The following SLC6A18 variants were observed in gnomAD, a reference collection of about 807,000 sequenced individuals.
The protein encoded by SLC6A18 is solute carrier family 6 member 18.
In SLC6A18, 58 loss-of-function variants were observed where a neutral mutation model predicts 62.9. That is an observed-to-expected ratio of 0.92 (90% CI 0.75 to 1.15). The LOEUF is 1.15. SLC6A18 is among the 50% of genes most tolerant of loss of function. The pLI, the probability that SLC6A18 is intolerant of heterozygous loss-of-function variation, is 0.00. For missense variants in SLC6A18, 793 were observed against 836.6 expected (o/e 0.95, Z 0.64); for synonymous variants, 382 against 365.8 (o/e 1.04, Z -0.51).
At position 1,243,634 on chromosome 5, in the gene SLC6A18, T is replaced by C. The variant is rs1415007368; in HGVS notation, c.1211T>C (p.Met404Thr). 2 of 1,614,088 alleles carry C rather than the reference T, an allele frequency of 1.2e-6. No individual in the cohort carries two copies. The highest frequency in any genetic ancestry group is 1.1e-5 in the South Asian group (1 of 91,084). Reference sequence around the variant, plus strand: ...ATGCCGGGGGCTCCTGTGTGGGCCATGCTCTTCTTCGGGATGCTGTTCACC... The same window carrying C: ...ATGCCGGGGGCTCCTGTGTGGGCCACGCTCTTCTTCGGGATGCTGTTCACC... Reference protein sequence around the residue: ...LHMPGAPVWAMLFFGMLFTLG... With the variant: ...LHMPGAPVWATLFFGMLFTLG... The change falls in exon 9 of 12, where the codon ATG (methionine) becomes ACG (threonine). Residue 404 changes from methionine to threonine, a missense_variant. Transcript: ENST00000324642. The surrounding 1 kb of genome is among the most constrained non-coding windows in gnomAD (Gnocchi z 6.5).
At chr5:1,230,159 G>T (rs368376817) in intron 1 of SLC6A18, among the ~76,000 whole-genome samples, 2 of 147,986 alleles carry the variant, frequency 1.4e-5, no homozygotes, top group Admixed American at 1.3e-4. Flanking sequence ...CAGGCTGGTC[G>T]TGGGGGAGGG....
At chr5:1,227,020 C>T (rs1235638982) in intron 1 of SLC6A18, among the ~76,000 whole-genome samples, 2 of 139,372 alleles carry the variant, frequency 1.4e-5, no homozygotes, top group African/African-American at 2.7e-5. Flanking sequence ...CCCGCCGACG[C>T]GCCCAACGCC....
Position 1,243,677 on chromosome 5 carries a change from G to A in SLC6A18, c.1254G>A (p.Met418Ile). ...GMLFTLGLST[M>I]FGTVEAVITP... ...TGTTCACCTTGGGGCTATCGACCAT[G>A]TTCGGGACCGTGGAGGCGGTCATCA... Residue 418 changes from methionine to isoleucine, a missense_variant, in exon 9 of 12, where the codon ATG becomes ATA. Met to Ile is a conservative substitution (Grantham distance 10, BLOSUM62 1). Transcript: ENST00000324642. The surrounding 1 kb of genome is among the most constrained non-coding windows in gnomAD (Gnocchi z 6.5). The A allele has an allele frequency of 6.2e-7, 1 of 1,614,064 alleles. No homozygotes were observed.
rs370558229 is a variant in SLC6A18 at position 1,233,346 on chromosome 5, C to T, written c.439+458C>T. ...TACAAAAATCAGCCAGGCATGGTGGCGGGCATCTGTAATCCCAGCTAGCCA... is the reference window on the plus strand; with the variant it reads ...TACAAAAATCAGCCAGGCATGGTGGTGGGCATCTGTAATCCCAGCTAGCCA... On this transcript the variant is annotated intron_variant, in intron 3 of 11. Transcript: ENST00000324642. Among the ~76,000 whole-genome samples, 4 of 152,074 alleles carry T rather than the reference C, an allele frequency of 2.6e-5. No homozygotes were observed. The South Asian group carries it at 8.3e-4, about 32-fold the overall frequency.
At chr5:1,233,820 C>A (rs1337564028) in intron 3 of SLC6A18, among the ~76,000 whole-genome samples, 1 of 150,968 alleles carries the variant, frequency 6.6e-6, no homozygotes, top group African/African-American at 2.4e-5. Flanking sequence ...TGGCTCACTG[C>A]AAGCTCTGCC....
chr5:1,244,396 G>GCT (rs757583909), intron 10 of SLC6A18, 23 bp downstream of exon 10: 22 of 1,613,202 alleles, frequency 1.4e-5, no homozygotes, highest in Admixed American at 3.3e-5. Flanking sequence ...CCCGCCGAGT[G>GCT]CTCCTCTGGG....
intron 1 of SLC6A18, 36 bp downstream of exon 1, chr5:1,225,673 AG>A: frequency 6.6e-7 from 1 of 1,518,568 alleles, no homozygotes; most frequent in Non-Finnish European, 8.8e-7. Context: ...CAGACCCCTA[AG>A]CAGGGGAGGC....
chr5:1,226,862 C>T (rs964053524), intron 1 of SLC6A18, among the ~76,000 whole-genome samples: 2 of 152,352 alleles, frequency 1.3e-5, no homozygotes, highest in Middle Eastern at 3.4e-3. Flanking sequence ...GCAGGCTTCA[C>T]GCAGAGCTGG....
intron 1 of SLC6A18, among the ~76,000 whole-genome samples, chr5:1,228,003 C>T (rs911600294): frequency 6.6e-5 from 10 of 152,224 alleles, no homozygotes; most frequent in Non-Finnish European, 1.3e-4. Flanking sequence ...CGGTGTTCAA[C>T]CGACTTCTGT....
At position 1,243,686 on chromosome 5, in the gene SLC6A18, C is replaced by T. The variant is rs745591980; in HGVS notation, c.1263C>T (p.Thr421=). ...FTLGLSTMFG[T]VEAVITPLLD... ...TGGGGCTATCGACCATGTTCGGGACCGTGGAGGCGGTCATCACACCCCTGC... is the reference window on the plus strand; with the variant it reads ...TGGGGCTATCGACCATGTTCGGGACTGTGGAGGCGGTCATCACACCCCTGC... The change falls in exon 9 of 12, where the codon ACC becomes ACT. Residue 421 remains threonine (T), a synonymous_variant. Coordinates refer to ENST00000324642, the MANE Select transcript of SLC6A18 (RefSeq NM_182632.3). This position sits in a 1 kb window ranked among gnomAD's most constrained non-coding sequence, Gnocchi z 6.5. 14 of 1,613,856 alleles carry T rather than the reference C, an allele frequency of 8.7e-6. No individual in the cohort carries two copies. The highest frequency in any genetic ancestry group is 3.3e-4 in the Middle Eastern group (2 of 6,084).
At chr5:1,231,764 T>G (rs1746735740) in intron 1 of SLC6A18, among the ~76,000 whole-genome samples, 1 of 152,314 alleles carries the variant, frequency 6.6e-6, no homozygotes, top group Admixed American at 6.5e-5. Context: ...AAGGAGCTGT[T>G]TTCCCATGGG....
chr5:1,232,346 C>T lies in SLC6A18; in HGVS notation c.288C>T (p.Tyr96=). Reference sequence around the variant, plus strand: ...GCGTGTGGACGGCCATCTCCCCGTACCTCAGTGGAGTAGGTAGGCCACCGT... The same window carrying T: ...GCGTGTGGACGGCCATCTCCCCGTATCTCAGTGGAGTAGGTAGGCCACCGT... ...SVGVWTAISP[Y]LSGVGLGCVT... is the part of the protein sequence containing the mutation. The change falls in exon 2 of 12, where the codon TAC becomes TAT. Residue 96 remains tyrosine (Y), a synonymous_variant. Transcript: ENST00000324642. 1 of 1,610,918 alleles carries T rather than the reference C, an allele frequency of 6.2e-7. No individual in the cohort carries two copies. The highest frequency in any genetic ancestry group is 8.5e-7 in the Non-Finnish European group (1 of 1,179,478).
chr5:1,238,258 TGAGCCTG>T (rs1746942594), intron 5 of SLC6A18, among the ~76,000 whole-genome samples, 198 bp downstream of exon 5: 3 of 72,188 alleles, frequency 4.2e-5, no homozygotes, highest in Non-Finnish European at 4.9e-5. Context: ...AGGTTTGGAG[TGAGCCTG>T]GGGCCTCAGG....
At chr5:1,244,042 G>T (rs984058939) in intron 9 of SLC6A18, among the ~76,000 whole-genome samples, 172 bp from the exon 10 acceptor site, 1 of 152,148 alleles carries the variant, frequency 6.6e-6, no homozygotes, top group Non-Finnish European at 1.5e-5. Context: ...ACAGGAAAGA[G>T]ACTGGGGAGG....
At chr5:1,242,238 C>A (rs35995128) in intron 7 of SLC6A18, among the ~76,000 whole-genome samples, 58 of 152,352 alleles carry the variant, frequency 3.8e-4, no homozygotes, top group Non-Finnish European at 6.6e-4. Context: ...CCCTTCCAAA[C>A]CCAGGGGGGT....
intron 3 of SLC6A18, among the ~76,000 whole-genome samples, chr5:1,235,154 G>T (rs1746851278): frequency 6.6e-6 from 1 of 152,220 alleles, no homozygotes; most frequent in South Asian, 2.1e-4. Context: ...GCCATCCTTG[G>T]GGGTCTGGGA....
intron 3 of SLC6A18, among the ~76,000 whole-genome samples, chr5:1,234,756 G>A (rs1271845817): frequency 6.6e-6 from 1 of 152,262 alleles, no homozygotes; most frequent in Non-Finnish European, 1.5e-5. Context: ...GGCTGTGACA[G>A]TGCTTGATGT....
chr5:1,239,501 T>C lies in SLC6A18; in HGVS notation c.784T>C (p.Phe262Leu), dbSNP rs1182164887. ...RVWLDAATQI[F>L]FSLSLAFGGH... Reference sequence around the variant, plus strand: ...GTGGCTGGACGCAGCCACCCAGATATTCTTCTCTCTGTCCCTGGCCTTCGG... The same window carrying C: ...GTGGCTGGACGCAGCCACCCAGATACTCTTCTCTCTGTCCCTGGCCTTCGG... The change falls in exon 6 of 12, where the codon TTC becomes CTC. Residue 262 changes from phenylalanine to leucine, a missense_variant. By Grantham distance (22) the Phe-to-Leu change is conservative (BLOSUM62 0). Transcript: ENST00000324642. 6.2e-7 allele frequency: 1 copy of C among 1,614,012 alleles called. No homozygotes were observed. The highest frequency in any genetic ancestry group is 1.7e-5 in the Admixed American group (1 of 60,008).
chr5:1,227,820 T>C (rs1410869057), intron 1 of SLC6A18, among the ~76,000 whole-genome samples: 1 of 152,196 alleles, frequency 6.6e-6, no homozygotes, highest in Non-Finnish European at 1.5e-5. Flanking sequence ...CGTAGACTCG[T>C]AAATGCCAAG....
Sources: gnomAD v4.1 joint callset for allele counts (sites outside exome capture counted in the v4.1 genomes callset) on GRCh38, gnomAD v4.1.1 for gene constraint, Gnocchi (gnomAD v3.1) non-coding constraint, MANE v1.5 for transcripts, NCBI Gene and HGNC (gene_info 2026-07-23, HGNC 2026-07-21) for gene names.